Variants in UBR2 observed in about 807,000 individuals in gnomAD.
UBR2 encodes E3 ubiquitin-protein ligase UBR2.
A neutral mutation model predicts 247.9 loss-of-function variants in UBR2; 92 were observed. The ratio of observed to expected loss-of-function variants is 0.37; its 90% CI spans 0.31 to 0.44. The LOEUF is 0.44. Among genes scored for constraint, UBR2 ranks in the 20% least tolerant of loss-of-function variants. The pLI is 1.00. For synonymous variants in UBR2, 672 were observed against 693.5 expected, an observed-to-expected ratio of 0.97 and a Z score of 0.49; for missense variants, 1,613 against 2,112.6, an observed-to-expected ratio of 0.76 and a Z score of 4.64.
At chr6:42,614,403 C>CGTATATAT (rs1554250401) in intron 8 of UBR2, among the ~76,000 whole-genome samples, 8 of 62,526 alleles carry the variant, frequency 1.3e-4, no homozygotes, top group Admixed American at 3.7e-4. Flanking sequence ...TACATACATA[C>CGTATATAT]GTATGTATGT....
chr6:42,662,396 T>C (rs28562597), intron 31 of UBR2, 119 bp downstream of exon 31: 1 of 623,138 alleles, frequency 1.6e-6, no homozygotes. Flanking sequence ...AAAAAATCCG[T>C]ATCATTGCCT....
chr6:42,670,336 G>T, intron 35 of UBR2, 96 bp downstream of exon 35: 1 of 1,437,702 alleles, frequency 7.0e-7, no homozygotes, highest in South Asian at 1.3e-5. Context: ...TTTGAAGTGG[G>T]TAACAACGTG....
intron 13 of UBR2, 53 bp downstream of exon 13, chr6:42,632,957 T>TC: frequency 2.2e-6 from 2 of 902,612 alleles, no homozygotes; most frequent in Non-Finnish European, 3.0e-6. Context: ...TTCTCTTTTC[T>TC]CTTTTTTTTT....
chr6:42,617,603 A>G (rs1794643486), intron 11 of UBR2, 96 bp downstream of exon 11: 1 of 1,120,440 alleles, frequency 8.9e-7, no homozygotes, highest in South Asian at 1.5e-5. Context: ...TGAAAAGAAT[A>G]GTATTTTATT....
intron 7 of UBR2, among the ~76,000 whole-genome samples, chr6:42,610,126 A>G (rs1793977455): frequency 6.6e-6 from 1 of 152,148 alleles, no homozygotes; most frequent in Non-Finnish European, 1.5e-5. Context: ...GTAGTATGTG[A>G]TCATGGTACC....
chr6:42,564,990 A>G (rs1790694042), intron 1 of UBR2, among the ~76,000 whole-genome samples: 1 of 152,062 alleles, frequency 6.6e-6, no homozygotes, highest in Admixed American at 6.6e-5. Context: ...TGGAAAGTTT[A>G]CTGAGTATGA....
chr6:42,631,860 T>TTATATATA (rs59218885), intron 11 of UBR2, among the ~76,000 whole-genome samples: 14 of 61,504 alleles, frequency 2.3e-4, no homozygotes, highest in African/African-American at 3.5e-4. Context: ...TACTCTGATT[T>TTATATATA]TATATATATA....
chr6:42,666,282 A>G, intron 34 of UBR2, 37 bp downstream of exon 34: 1 of 1,533,486 alleles, frequency 6.5e-7, no homozygotes, highest in Non-Finnish European at 8.9e-7. Context: ...TATTTGACCC[A>G]TTTGAAATGA....
At chr6:42,651,641 C>T (rs984562094) in intron 23 of UBR2, among the ~76,000 whole-genome samples, 19 of 152,002 alleles carry the variant, frequency 1.2e-4, no homozygotes, top group African/African-American at 4.4e-4. Flanking sequence ...CAGGTGTGTG[C>T]CACCACGCCC....
At chr6:42,634,694 AT>A (rs1373443534) in intron 13 of UBR2, among the ~76,000 whole-genome samples, 2 of 152,188 alleles carry the variant, frequency 1.3e-5, no homozygotes, top group Non-Finnish European at 2.9e-5. Context: ...ACCTCAAGTG[AT>A]CCACCCGCCT....
intron 4 of UBR2, among the ~76,000 whole-genome samples, chr6:42,599,584 A>G (rs1313055999): frequency 6.6e-6 from 1 of 151,898 alleles, no homozygotes; most frequent in Non-Finnish European, 1.5e-5. Flanking sequence ...TAGCAGAATT[A>G]TTGCATGGTT....
At chr6:42,568,996 G>A (rs558829078) in intron 1 of UBR2, among the ~76,000 whole-genome samples, 6 of 152,282 alleles carry the variant, frequency 3.9e-5, no homozygotes, top group South Asian at 2.1e-4. Context: ...ACCTGTGTCA[G>A]TAATTCTTTC....
At chr6:42,611,303 A>G (rs1485068885) in intron 7 of UBR2, among the ~76,000 whole-genome samples, 1 of 151,774 alleles carries the variant, frequency 6.6e-6, no homozygotes, top group Non-Finnish European at 1.5e-5. Context: ...TCTACTAAAA[A>G]TACAAAAATT....
chr6:42,615,928 G>A lies in UBR2; in HGVS notation c.1094-74G>A, dbSNP rs1794513859. On this transcript the variant is annotated intron_variant, in intron 9 of 46. Coordinates refer to ENST00000372901, the MANE Select transcript of UBR2 (RefSeq NM_001363705.2). Reference sequence around the variant, plus strand: ...CAAAACAAAACAAAAAAAACCCACTGTGGATCACATAACACTTGAGAAATG... The same window carrying A: ...CAAAACAAAACAAAAAAAACCCACTATGGATCACATAACACTTGAGAAATG... 8 of 1,141,212 alleles carry A rather than the reference G, an allele frequency of 7.0e-6. No homozygotes were observed. The Admixed American group carries it at 1.3e-4, about 19-fold the overall frequency. The allele number at this position is 1,141,212 out of a possible 1,614,324, so 70.7% of individuals were successfully genotyped here.
intron 11 of UBR2, 140 bp downstream of exon 11, chr6:42,617,647 T>C: frequency 2.7e-6 from 2 of 750,420 alleles, no homozygotes; most frequent in Non-Finnish European, 4.2e-6. Context: ...CCTTCACTAT[T>C]CTTTTACTAG....
intron 11 of UBR2, chr6:42,619,749 GCT>G (rs1252292037): frequency 6.0e-6 from 1 of 166,354 alleles, no homozygotes; most frequent in African/African-American, 2.4e-5. Flanking sequence ...AAAAGTTCTT[GCT>G]CTGTCACTCA....
intron 21 of UBR2, 76 bp downstream of exon 21, chr6:42,645,666 T>C: frequency 6.9e-7 from 1 of 1,448,256 alleles, no homozygotes; most frequent in Non-Finnish European, 9.5e-7. Flanking sequence ...ATAGATTTAC[T>C]TCTGTATACC....
In UBR2 at chr6:42,662,262, C is replaced by T. The variant is rs757585624; in HGVS notation, c.3521C>T (p.Ala1174Val). ...AGTAGCTGTGGGCACATTATGCATG[C>T]CCATTGTTGGCAAAGGTAATGTATA... ...HTSSCGHIMH[A>V]HCWQRYFDSV... Residue 1174 changes from alanine (A) to valine (V), a missense_variant, in exon 31 of 47, where the codon GCC (alanine) becomes GTC (valine). By Grantham distance (64) the Ala-to-Val change is moderately conservative. This residue lies in a region of UBR2 where 1,524 missense variants were observed against 1,967.3 expected (regional missense o/e 0.77). Transcript: ENST00000372901. 6.2e-7 allele frequency: 1 copy of T among 1,602,978 alleles called. No individual in the cohort carries two copies. Among genetic ancestry groups the T allele is most frequent in the South Asian group, 1.1e-5 (1 of 89,426 alleles).
rs201543225 is a variant in UBR2 at position 42,670,749 on chromosome 6, G to C, written c.4086+34G>C. On this transcript the variant is annotated intron_variant, in intron 36 of 46. Coordinates refer to ENST00000372901, the MANE Select transcript of UBR2 (RefSeq NM_001363705.2). ...TCAGTTTATTCAGTTCATGATAGTGGGGCATGGAAATTAGGTGGTTCTGCT... is the reference window on the plus strand; with the variant it reads ...TCAGTTTATTCAGTTCATGATAGTGCGGCATGGAAATTAGGTGGTTCTGCT... The C allele has an allele frequency of 5.8e-6, 9 of 1,562,346 alleles. No individual in the cohort carries two copies. The East Asian group carries it at 2.1e-4, about 36-fold the overall frequency.
Sources: gnomAD v4.1 joint callset for allele counts (sites outside exome capture counted in the v4.1 genomes callset) on GRCh38, gnomAD v4.1.1 for gene constraint, gnomAD v4.1.1 regional missense constraint, MANE v1.5 for transcripts, NCBI Gene and HGNC (gene_info 2026-07-23, HGNC 2026-07-21) for gene names.